The following PIEZO1 variants were observed in gnomAD, a reference collection of about 807,000 sequenced individuals.
PIEZO1 encodes the protein piezo type mechanosensitive ion channel component 1 (Er blood group).
In PIEZO1, 296 loss-of-function variants were observed where a neutral mutation model predicts 297.2. The ratio of observed to expected loss-of-function variants is 1.00; its 90% CI spans 0.91 to 1.10. PIEZO1 has a LOEUF of 1.10. PIEZO1 is among the 50% of genes least tolerant of loss of function. The pLI is 0.00. For missense variants in PIEZO1, 5,018 were observed against 3,455.5 expected (o/e 1.45, Z -11.34); for synonymous variants, 2,427 against 1,507.5 (o/e 1.61, Z -14.13).
intron 44 of PIEZO1, chr16:88,717,875 G>A (rs1912164493): frequency 4.7e-6 from 2 of 423,012 alleles, no homozygotes; most frequent in African/African-American, 2.1e-5. Flanking sequence ...GCTCACACTT[G>A]TCATCCCAGC....
Position 88,736,672 on chromosome 16 carries a change from G to C in PIEZO1, c.1263C>G (p.Asp421Glu), listed in dbSNP as rs1386907283. ...CAATGAGCGCGCACACATAGCTCTG[G>C]TCCATGATGAGGTGGCCCAGGCTGT... ...PLHSLGHLIM[D>E]QSYVCALIAM... is the part of the protein sequence containing the mutation. The change falls in exon 11 of 51, where the codon GAC becomes GAG. Residue 421 changes from aspartate (D) to glutamate (E), a missense_variant. Physicochemically the swap from Asp to Glu is conservative, Grantham distance 45. Transcript: ENST00000301015. The C allele has an allele frequency of 9.8e-6, 15 of 1,533,090 alleles. No individual in the cohort carries two copies. Among genetic ancestry groups the C allele is most frequent in the East Asian group, 2.4e-5 (1 of 40,870 alleles). 95.0% of individuals were successfully genotyped at this position (1,533,090 alleles called of 1,614,324 possible).
chr16:88,776,804 C>T (rs1209479322), intron 1 of PIEZO1, among the ~76,000 whole-genome samples: 1 of 152,236 alleles, frequency 6.6e-6, no homozygotes, highest in Non-Finnish European at 1.5e-5. Flanking sequence ...ACCCACGGCC[C>T]CTGAGCCTGT....
At chr16:88,751,675 A>T (rs1335227132) in intron 1 of PIEZO1, among the ~76,000 whole-genome samples, 1 of 76,048 alleles carries the variant, frequency 1.3e-5, no homozygotes, top group Non-Finnish European at 3.1e-5. Context: ...CATTTTCATT[A>T]AAAAAAAAAA....
Position 88,732,751 on chromosome 16 carries a change from T to TCAGTGCCCCCTCCCAGGCCA in PIEZO1, c.2665-39_2665-20dup, listed in dbSNP as rs1288203384. 12 of 1,531,294 alleles carry TCAGTGCCCCCTCCCAGGCCA rather than the reference T, an allele frequency of 7.8e-6. No homozygotes were observed. The highest frequency in any genetic ancestry group is 2.0e-5 in the Admixed American group (1 of 50,054). 94.9% of individuals were successfully genotyped at this position (1,531,294 alleles called of 1,614,324 possible). A position where few individuals can be genotyped will look rare whatever the true frequency, so the allele number is the denominator to read the frequency against. The stretch of plus-strand genomic sequence containing the variant: ...GGAAGGGCTGGCAAGAGGCCAGGCA[T>TCAGTGCCCCCTCCCAGGCCA]CAGTGCCCCCTCCCAGGCCACAGTG... On this transcript the variant is annotated intron_variant, in intron 19 of 50. Transcript: ENST00000301015.
chr16:88,757,672 T>A (rs990265428), intron 1 of PIEZO1, among the ~76,000 whole-genome samples: 3 of 152,070 alleles, frequency 2.0e-5, no homozygotes, highest in Non-Finnish European at 2.9e-5. Flanking sequence ...GTCCATGACC[T>A]GGGGGTTCCT....
chr16:88,763,976 G>A (rs1287106050), intron 1 of PIEZO1, among the ~76,000 whole-genome samples: 3 of 152,116 alleles, frequency 2.0e-5, no homozygotes, highest in South Asian at 2.1e-4. Context: ...TTGGAAGCCC[G>A]TGGTTCAGAG....
chr16:88,726,648 G>A lies in PIEZO1; in HGVS notation c.3700-5C>T, dbSNP rs949481545. ...CACGAAGACGCAGGCCAGGAGCTGG[G>A]GGAGAGCAGGGTCAGCGGGGCCAGC... is the stretch of plus-strand genomic sequence containing the variant. On this transcript the variant is annotated splice_polypyrimidine_tract_variant and splice_region_variant and intron_variant, in intron 25 of 50. Coordinates refer to ENST00000301015, the MANE Select transcript of PIEZO1 (RefSeq NM_001142864.4). 6.5e-7 allele frequency: 1 copy of A among 1,547,454 alleles called. No individual in the cohort carries two copies. The highest frequency in any genetic ancestry group is 1.2e-5 in the South Asian group (1 of 83,872).
intron 15 of PIEZO1, 27 bp downstream of exon 15, chr16:88,734,623 T>C: frequency 6.5e-7 from 1 of 1,549,728 alleles, no homozygotes; most frequent in South Asian, 1.2e-5. Context: ...TCGGCGCCCC[T>C]GCCCCACCGC....
intron 22 of PIEZO1, among the ~76,000 whole-genome samples, chr16:88,729,984 G>A (rs1054280773): frequency 1.3e-5 from 2 of 152,288 alleles, no homozygotes; most frequent in African/African-American, 2.4e-5. Flanking sequence ...ACTGCATGGC[G>A]CAGCCGCGTG....
intron 39 of PIEZO1, 138 bp from the exon 40 acceptor site, chr16:88,720,886 T>A: frequency 9.3e-7 from 1 of 1,075,734 alleles, no homozygotes; most frequent in Non-Finnish European, 1.3e-6. Flanking sequence ...CCAGTGTCAC[T>A]GGCAAGGAGA....
chr16:88,748,105 C>T (rs1238899379), intron 2 of PIEZO1, among the ~76,000 whole-genome samples: 1 of 152,246 alleles, frequency 6.6e-6, no homozygotes, highest in Non-Finnish European at 1.5e-5. Flanking sequence ...GGCCTCCTCT[C>T]TGCCCTCTGC....
intron 5 of PIEZO1, 123 bp from the exon 6 acceptor site, chr16:88,738,859 A>C (rs1905443965): frequency 1.2e-6 from 1 of 856,590 alleles, no homozygotes; most frequent in Admixed American, 2.5e-5. Flanking sequence ...TCTGAGGGCC[A>C]CAGGACAGCC....
chr16:88,727,195 G>A lies in PIEZO1; in HGVS notation c.3302-3C>T, dbSNP rs563343471. On this transcript the variant is annotated splice_polypyrimidine_tract_variant and splice_region_variant and intron_variant, in intron 23 of 50. Transcript: ENST00000301015. ...GCACAGCAGCAGGAGAAAGTCGCCT[G>A]CAGGACACAGGAGCCGCCGCTGTGC... The A allele has an allele frequency of 9.8e-6, 15 of 1,535,748 alleles. No homozygotes were observed. Among genetic ancestry groups the A allele is most frequent in the Admixed American group, 6.0e-5 (3 of 50,104 alleles).
intron 1 of PIEZO1, among the ~76,000 whole-genome samples, chr16:88,753,237 A>T (rs183414960): frequency 6.9e-5 from 3 of 43,296 alleles, no homozygotes; most frequent in African/African-American, 3.0e-4. Context: ...AGAGCACACC[A>T]GCCCCCCCAG....
intron 1 of PIEZO1, among the ~76,000 whole-genome samples, chr16:88,773,289 G>A (rs2142901841): frequency 6.6e-6 from 1 of 152,376 alleles, no homozygotes; most frequent in East Asian, 1.9e-4. Context: ...CCAAGAGTGG[G>A]CAGCCAACGA....
intron 2 of PIEZO1, chr16:88,744,958 G>C (rs1488139477): frequency 6.6e-6 from 1 of 152,144 alleles, no homozygotes; most frequent in Non-Finnish European, 1.5e-5. Context: ...TGCACACAGA[G>C]GCCGAGGGGG....
rs530410868 is a variant in PIEZO1 at position 88,716,928 on chromosome 16, G to A, written c.6661-30C>T. On this transcript the variant is annotated intron_variant, in intron 45 of 50. Coordinates refer to ENST00000301015, the MANE Select transcript of PIEZO1 (RefSeq NM_001142864.4). The stretch of plus-strand genomic sequence containing the variant: ...GGCAGGCACGGGGACACGGGGCCAC[G>A]AAGATGAGCGTGGAGGAGCGGCTGG... The A allele has an allele frequency of 1.1e-4, 165 of 1,547,828 alleles. No individual in the cohort carries two copies. The African/African-American group carries it at 1.3e-3, about 12-fold the overall frequency.
At chr16:88,780,190 A>G (rs1647779544) in intron 1 of PIEZO1, among the ~76,000 whole-genome samples, 1 of 152,024 alleles carries the variant, frequency 6.6e-6, no homozygotes, top group South Asian at 2.1e-4. Flanking sequence ...CAGGTGTGGG[A>G]CTCAACCGCC....
rs1458399640 is a variant in PIEZO1 at position 88,721,890 on chromosome 16, G to A, written c.5132C>T (p.Pro1711Leu). 5 of 1,549,976 alleles carry A rather than the reference G, an allele frequency of 3.2e-6. No homozygotes were observed. The highest frequency in any genetic ancestry group is 4.4e-6 in the Non-Finnish European group (5 of 1,146,806). Residue 1711 changes from proline (P) to leucine (L), a missense_variant, in exon 37 of 51, where the codon CCC becomes CTC. Pro to Leu is a moderately conservative substitution (Grantham distance 98). Transcript: ENST00000301015. Reference sequence around the variant, plus strand: ...CATGGCCCACAGGAAGACGAGCACGGGCAGCACCAGCGAGCCGGCGGAGGC... The same window carrying A: ...CATGGCCCACAGGAAGACGAGCACGAGCAGCACCAGCGAGCCGGCGGAGGC... Reference protein sequence around the residue: ...VTASAGSLVLPVLVFLWAMLS... With the variant: ...VTASAGSLVLLVLVFLWAMLS...
Sources: allele counts gnomAD v4.1 joint callset (sites outside exome capture counted in the v4.1 genomes callset), GRCh38; gene constraint gnomAD v4.1.1; transcripts MANE v1.5; gene names NCBI Gene and HGNC (gene_info 2026-07-23, HGNC 2026-07-21).